PABIR2: variants seen among roughly 807,000 people sequenced by gnomAD.
PABIR2 encodes the protein family with sequence similarity 122B.
PABIR2 carries 7 observed loss-of-function variants against 22.8 expected under a neutral mutation model. The ratio of observed to expected loss-of-function variants is 0.31; its 90% CI spans 0.17 to 0.58. The LOEUF (loss-of-function observed/expected upper bound fraction) is 0.58. Among genes scored for constraint, PABIR2 ranks in the 20% least tolerant of loss-of-function variants. PABIR2 has a pLI of 0.89. For missense variants in PABIR2, 155 were observed against 205.1 expected (o/e 0.76, Z 1.49); for synonymous variants, 67 against 73.8 (o/e 0.91, Z 0.47).
At chrX:134,789,322 C>T in intron 3 of PABIR2, 56 bp from the exon 4 acceptor site, 1 of 1,164,523 alleles carries the variant, frequency 8.6e-7, no homozygotes, top group Admixed American at 2.2e-5. Context: ...AATATTAACT[C>T]TTCCACACAC....
intron 1 of PABIR2, among the ~76,000 whole-genome samples, chrX:134,795,681 T>C (rs773927325): frequency 2.7e-5 from 3 of 112,317 alleles, no homozygotes; most frequent in East Asian, 5.6e-4. Context: ...ATTAGATAAA[T>C]TGTGATTTAT....
chrX:134,787,571 A>G, intron 6 of PABIR2, 38 bp from the exon 7 acceptor site: 1 of 1,053,793 alleles, frequency 9.5e-7, no homozygotes, highest in African/African-American at 2.0e-5. Context: ...GAAAAAACAT[A>G]TTCAATATTA....
chrX:134,774,297 C>A (rs183346165), intron 9 of PABIR2, among the ~76,000 whole-genome samples: 31 of 112,024 alleles, frequency 2.8e-4, no homozygotes, highest in African/African-American at 1.0e-3. Context: ...TGTGATTTTT[C>A]CTCCTGCAGC....
chrX:134,796,118 G>C lies in PABIR2; in HGVS notation c.88C>G (p.His30Asp), dbSNP rs144680960. Residue 30 changes from histidine to aspartate, a missense_variant, in exon 1 of 10, where the codon CAT becomes GAT. By Grantham distance (81) the His-to-Asp change is moderately conservative. Transcript: ENST00000343004. The stretch of plus-strand genomic sequence containing the variant: ...CCCAACCCTGCTCACCTGAGCCCAT[G>C]GATTAGGGGAGCGCTGCTGGATCTC... ...LRRSSSAPLI[H>D]GLSDLSQVFQ... 26 of 1,207,876 alleles carry C rather than the reference G, an allele frequency of 2.2e-5. No homozygotes were observed. In the East Asian group the frequency reaches 3.3e-4, roughly 15 times the overall value.
At chrX:134,784,643 A>C (rs769019574) in intron 8 of PABIR2, among the ~76,000 whole-genome samples, 1 of 110,099 alleles carries the variant, frequency 9.1e-6, no homozygotes, top group South Asian at 3.9e-4. Flanking sequence ...ACGCCTGCTT[A>C]ATTTTTGTAT....
At chrX:134,784,146 T>C (rs1227717012) in intron 8 of PABIR2, among the ~76,000 whole-genome samples, 1 of 109,232 alleles carries the variant, frequency 9.2e-6, no homozygotes, top group Non-Finnish European at 1.9e-5. Context: ...CTTGCAATCA[T>C]GTAGTCATAT....
intron 6 of PABIR2, 101 bp from the exon 7 acceptor site, chrX:134,787,634 TAG>T (rs2079376205): frequency 1.7e-6 from 1 of 603,822 alleles, no homozygotes; most frequent in Admixed American, 3.7e-5. Flanking sequence ...TTTTTTTTTT[TAG>T]AGACAGGGTC....
chrX:134,796,468 AATGAAGGAAAAGG>A lies in PABIR2; in HGVS notation c.-276_-264del, dbSNP rs2079827115. The A allele has an allele frequency of 9.1e-6, 3 of 329,468 alleles. No individual in the cohort carries two copies. In the South Asian group the frequency reaches 1.8e-4, roughly 20 times the overall value. The allele number at this position is 329,468 out of a possible 1,213,427, so 27.2% of individuals were successfully genotyped here. A position where few individuals can be genotyped will look rare whatever the true frequency, so the allele number is the denominator to read the frequency against. Reference sequence around the variant, plus strand: ...AAGAGGTAGTGGTGGAAGGTGACAGAATGAAGGAAAAGGATGAAGGAAAGAAGGATGGAGGGAA... The same window carrying A: ...AAGAGGTAGTGGTGGAAGGTGACAGAATGAAGGAAAGAAGGATGGAGGGAA... On this transcript the variant is annotated 5_prime_UTR_variant, in exon 1 of 10. Transcript: ENST00000343004.
In PABIR2 at chrX:134,772,508, C is replaced by T. The variant is rs377511475; in HGVS notation, c.660-225G>A. Among the ~76,000 whole-genome samples the T allele has an allele frequency of 2.2e-4, 25 of 111,738 alleles. No individual in the cohort carries two copies. The South Asian group carries it at 9.5e-3, about 42-fold the overall frequency. On this transcript the variant is annotated intron_variant, in intron 9 of 9. Coordinates refer to ENST00000343004, the MANE Select transcript of PABIR2 (RefSeq NM_001387468.1). ...ATCATTTGATTGTCCCCCCTAGAGG[C>T]ACCAGACCGCCTAACCTACAATAAA...
intron 5 of PABIR2, 66 bp downstream of exon 5, chrX:134,789,019 T>C: frequency 1.7e-6 from 2 of 1,169,584 alleles, no homozygotes; most frequent in Admixed American, 4.5e-5. Context: ...AAAAAATTAA[T>C]GAACCTAGTG....
chrX:134,793,630 T>G, intron 2 of PABIR2, 185 bp downstream of exon 2: 1 of 565,920 alleles, frequency 1.8e-6, no homozygotes, highest in Non-Finnish European at 3.0e-6. Context: ...AAAGAAAAAT[T>G]TTTAACCATG....
intron 9 of PABIR2, among the ~76,000 whole-genome samples, chrX:134,773,533 G>A (rs768780086): frequency 1.0e-5 from 1 of 96,636 alleles, no homozygotes; most frequent in South Asian, 3.7e-4. Flanking sequence ...GTTCCCCAGA[G>A]ATGATATTTG....
In PABIR2 at chrX:134,772,264, T is replaced by C; in HGVS notation, c.679A>G (p.Ser227Gly). 8.4e-7 allele frequency: 1 copy of C among 1,190,927 alleles called. No individual in the cohort carries two copies. The highest frequency in any genetic ancestry group is 1.1e-6 in the Non-Finnish European group (1 of 883,258). The change falls in exon 10 of 10, where the codon AGT becomes GGT. Residue 227 changes from serine to glycine, a missense_variant. Ser to Gly is a moderately conservative substitution (Grantham distance 56, BLOSUM62 0). Transcript: ENST00000343004. ...GAGGATAAGCCACTGCTGCTACTAC[T>C]GCCATCCAAAATATCTGAACTGAAG... ...LSSCSDILDG[S>G]SSSSGLSSDP...
At chrX:134,791,344 T>G (rs1262033017) in intron 2 of PABIR2, among the ~76,000 whole-genome samples, 1 of 110,921 alleles carries the variant, frequency 9.0e-6, no homozygotes, top group East Asian at 2.8e-4. Context: ...GCAAGAACAG[T>G]TTTTTAATGG....
chrX:134,786,028 A>C (rs1279507980), intron 7 of PABIR2, 78 bp from the exon 8 acceptor site: 4 of 905,001 alleles, frequency 4.4e-6, no homozygotes, highest in Non-Finnish European at 6.4e-6. Flanking sequence ...CCCAACAAAT[A>C]CATAAATAAA....
chrX:134,777,638 A>C (rs933577580), intron 9 of PABIR2, among the ~76,000 whole-genome samples: 9 of 109,908 alleles, frequency 8.2e-5, no homozygotes, highest in Non-Finnish European at 1.7e-4. Flanking sequence ...GGAGTTCGAG[A>C]CCAGCCTGAC....
Position 134,787,343 on chromosome X carries a change from A to T in PABIR2, c.497+129T>A. 7 of 566,449 alleles carry T rather than the reference A, an allele frequency of 1.2e-5. No homozygotes were observed. The South Asian group carries it at 2.4e-4, about 19-fold the overall frequency. The allele number at this position is 566,449 out of a possible 1,213,427, so 46.7% of individuals were successfully genotyped here. On this transcript the variant is annotated intron_variant, in intron 7 of 9. Coordinates refer to ENST00000343004, the MANE Select transcript of PABIR2 (RefSeq NM_001387468.1). ...TTGAACTCTTGACCTCAGGTAATCC[A>T]CCAGCCTCGGCCTTCCAAAGTGCTA... is the stretch of plus-strand genomic sequence containing the variant.
At position 134,788,816 on chromosome X, in the gene PABIR2, C is replaced by A; in HGVS notation, c.349G>T (p.Asp117Tyr). 7 of 1,206,505 alleles carry A rather than the reference C, an allele frequency of 5.8e-6. No individual in the cohort carries two copies. The highest frequency in any genetic ancestry group is 7.8e-6 in the Non-Finnish European group (7 of 892,399). Residue 117 changes from aspartate (D) to tyrosine (Y), a missense_variant, in exon 6 of 10, where the codon GAC becomes TAC. Physicochemically the swap from Asp to Tyr is radical, Grantham distance 160. Transcript: ENST00000343004. ...ESLSLSDSDFDKPEKLYSPKR... is the reference protein window; with the variant it reads ...ESLSLSDSDFYKPEKLYSPKR... ...GGAGAATATAATTTCTCCGGCTTGT[C>A]AAAATCACTGTCACTCTGTAAACAT...
At chrX:134,788,703 C>G in intron 6 of PABIR2, 27 bp downstream of exon 6, 1 of 1,156,045 alleles carries the variant, frequency 8.7e-7, no homozygotes, top group Non-Finnish European at 1.2e-6. Context: ...TTGTGAAATA[C>G]ACTTAATATC....
Sources: allele counts gnomAD v4.1 joint callset (sites outside exome capture counted in the v4.1 genomes callset), GRCh38; gene constraint gnomAD v4.1.1; transcripts MANE v1.5; gene names NCBI Gene and HGNC (gene_info 2026-07-23, HGNC 2026-07-21).